The following SSBP3 variants were observed in gnomAD, a reference collection of about 807,000 sequenced individuals.
SSBP3 encodes single stranded DNA binding protein 3.
A neutral mutation model predicts 69.6 loss-of-function variants in SSBP3; 5 were observed. The ratio of observed to expected loss-of-function variants is 0.07; its 90% CI spans 0.04 to 0.15. SSBP3 has a LOEUF of 0.15. SSBP3 is among the 10% of genes least tolerant of loss of function. The pLI is 1.00. For synonymous variants in SSBP3, 196 were observed against 193.4 expected, an observed-to-expected ratio of 1.01 and a Z score of -0.11; for missense variants, 312 against 534.0, an observed-to-expected ratio of 0.58 and a Z score of 4.10.
chr1:54,265,948 T>A (rs958628838), intron 5 of SSBP3, among the ~76,000 whole-genome samples: 1 of 152,198 alleles, frequency 6.6e-6, no homozygotes, highest in Non-Finnish European at 1.5e-5. Context: ...CAGGGGGCGC[T>A]CAGTGAAGGC....
chr1:54,252,691 T>G (rs1474591872), intron 7 of SSBP3, among the ~76,000 whole-genome samples: 1 of 152,238 alleles, frequency 6.6e-6, no homozygotes, highest in Admixed American at 6.5e-5. Context: ...CCACCCGCTG[T>G]GAAACCCTAT....
chr1:54,405,924 G>T, intron 1 of SSBP3, 29 bp downstream of exon 1: 1 of 1,212,544 alleles, frequency 8.2e-7, no homozygotes, highest in Non-Finnish European at 1.1e-6. Context: ...CGGCGGCGGC[G>T]CGGCCGCCAC....
intron 10 of SSBP3, 107 bp from the exon 11 acceptor site, chr1:54,242,319 CT>C (rs1644654335): frequency 7.5e-7 from 1 of 1,329,740 alleles, no homozygotes; most frequent in African/African-American, 1.4e-5. Context: ...ACAGGAAGTC[CT>C]TCCTACAGCC....
intron 4 of SSBP3, among the ~76,000 whole-genome samples, chr1:54,350,042 A>T (rs933789032): frequency 2.6e-5 from 4 of 152,020 alleles, no homozygotes; most frequent in African/African-American, 9.7e-5. Context: ...TTCCACCTCT[A>T]TTGGCTGTGC....
chr1:54,409,638 A>C (rs213495), upstream of SSBP3, among the ~76,000 whole-genome samples: 143,616 of 152,224 alleles, frequency 0.94, 67,879 homozygotes, highest in East Asian at 1. Context: ...TAAACTACAG[A>C]CACCTGGAAC....
intron 4 of SSBP3, among the ~76,000 whole-genome samples, chr1:54,370,916 G>C (rs1326213494): frequency 6.6e-6 from 1 of 151,792 alleles, no homozygotes; most frequent in Non-Finnish European, 1.5e-5. Flanking sequence ...CAGTGTCTTT[G>C]GTGTTCTTCC....
intron 4 of SSBP3, among the ~76,000 whole-genome samples, chr1:54,293,652 T>C (rs1179322041): frequency 6.6e-6 from 1 of 152,216 alleles, no homozygotes; most frequent in Non-Finnish European, 1.5e-5. Flanking sequence ...TCTTCTCCTC[T>C]CTACTCAGGC....
chr1:54,290,550 G>A (rs1048310541), intron 4 of SSBP3, among the ~76,000 whole-genome samples: 1 of 152,224 alleles, frequency 6.6e-6, no homozygotes, highest in Non-Finnish European at 1.5e-5. Flanking sequence ...AATTCCCTGG[G>A]CTGGGAAGTC....
intron 5 of SSBP3, among the ~76,000 whole-genome samples, chr1:54,274,908 C>G (rs1338698048): frequency 6.6e-6 from 1 of 152,078 alleles, no homozygotes. Flanking sequence ...GCACAGGCTC[C>G]CTCTCGCCTG....
intron 4 of SSBP3, among the ~76,000 whole-genome samples, chr1:54,378,379 C>A (rs923043375): frequency 6.6e-6 from 1 of 152,184 alleles, no homozygotes; most frequent in Non-Finnish European, 1.5e-5. Flanking sequence ...ACAGTTTGCG[C>A]GTCCATATTT....
intron 4 of SSBP3, among the ~76,000 whole-genome samples, chr1:54,328,216 G>C (rs190964740): frequency 2.1e-4 from 32 of 152,248 alleles, no homozygotes; most frequent in Non-Finnish European, 1.3e-4. Context: ...CAATGAGTCA[G>C]AGGCAAGGAC....
At chr1:54,302,475 C>T (rs779032115) in intron 4 of SSBP3, among the ~76,000 whole-genome samples, 3 of 152,076 alleles carry the variant, frequency 2.0e-5, no homozygotes, top group Non-Finnish European at 4.4e-5. Context: ...CCACACCTGG[C>T]TAATTTTGTA....
chr1:54,227,536 A>G (rs1342044525), intron 17 of SSBP3, among the ~76,000 whole-genome samples: 1 of 152,136 alleles, frequency 6.6e-6, no homozygotes. Flanking sequence ...GATGAGCCAG[A>G]GCACAGCCAG....
intron 4 of SSBP3, among the ~76,000 whole-genome samples, chr1:54,307,209 A>ACCCCCACTATGGTCACG (rs1019034080): frequency 1.3e-5 from 2 of 151,352 alleles, no homozygotes; most frequent in Non-Finnish European, 2.9e-5. Flanking sequence ...TTATGGCCAC[A>ACCCCCACTATGGTCACG]CCCCCACTAT....
At chr1:54,255,624 C>T (rs1239374912) in intron 7 of SSBP3, 2 of 152,184 alleles carry the variant, frequency 1.3e-5, no homozygotes, top group African/African-American at 4.8e-5. Context: ...GTGATGTATC[C>T]AGGGATCCCT....
rs568946570 is a variant in SSBP3, at chr1:54,250,204, T to C, written c.651+1412A>G. ...AAGGAGCTAGCAGAAACGCGAACTT[T>C]GGAGGATTTGAGGAAGGAACACAAC... is the stretch of plus-strand genomic sequence containing the variant. On this transcript the variant is annotated intron_variant, in intron 9 of 17. Coordinates refer to ENST00000610401, the Ensembl canonical transcript of SSBP3. Among the ~76,000 whole-genome samples the C allele has an allele frequency of 2.0e-5, 3 of 152,306 alleles. No homozygotes were observed. The South Asian group carries it at 6.2e-4, about 32-fold the overall frequency.
At chr1:54,241,533 CCCA>C (rs765714148) in intron 11 of SSBP3, 24 bp from the exon 12 acceptor site, 2 of 1,613,342 alleles carry the variant, frequency 1.2e-6, no homozygotes, top group Non-Finnish European at 1.7e-6. Context: ...GTCAGGGAGC[CCCA>C]CGTCAGAGTC....
In SSBP3 at chr1:54,402,124, C is replaced by G. The variant is rs569748416; in HGVS notation, c.192-179G>C. Among the ~76,000 whole-genome samples the G allele has an allele frequency of 1.4e-4, 21 of 152,340 alleles. No homozygotes were observed. In the East Asian group the frequency reaches 4.1e-3, roughly 29 times the overall value. On this transcript the variant is annotated intron_variant, in intron 3 of 17. Coordinates refer to ENST00000610401, the Ensembl canonical transcript of SSBP3. ...AACACGTCCAACTTCTTCTGGCAAGCCAGCCATTAGTAATGGCAGTAATAG... is the reference window on the plus strand; with the variant it reads ...AACACGTCCAACTTCTTCTGGCAAGGCAGCCATTAGTAATGGCAGTAATAG...
Position 54,332,211 on chromosome 1 carries a change from T to G in SSBP3, c.277-50684A>C, listed in dbSNP as rs141131167. On this transcript the variant is annotated intron_variant, in intron 4 of 17. Transcript: ENST00000610401. ...CCCAGGAGGCAAGGGGGGTGGCAAA[T>G]AGAATAATCAGATACTGGCAACCAA... 2.7e-3 allele frequency among the ~76,000 whole-genome samples: 405 copies of G among 151,970 alleles called. 4 individuals are homozygous for G. The highest frequency in any genetic ancestry group is 9.0e-3 in the African/African-American group (373 of 41,438).
Sources: allele counts gnomAD v4.1 joint callset (sites outside exome capture counted in the v4.1 genomes callset), GRCh38; gene constraint gnomAD v4.1.1; transcripts MANE v1.5; gene names NCBI Gene and HGNC (gene_info 2026-07-23, HGNC 2026-07-21).